The following ESR2 variants were observed in gnomAD, a reference collection of about 807,000 sequenced individuals.
ESR2 encodes the protein estrogen receptor 2.
A neutral mutation model predicts 49.6 loss-of-function variants in ESR2; 36 were observed. That is an observed-to-expected ratio of 0.73 (90% CI 0.56 to 0.96). The LOEUF (loss-of-function observed/expected upper bound fraction) is 0.96, where lower values mean the gene tolerates loss of function less well. Among genes scored for constraint, ESR2 ranks in the 40% least tolerant of loss-of-function variants. The pLI is 0.00. For missense variants in ESR2, 714 were observed against 693.0 expected, an observed-to-expected ratio of 1.03 and a Z score of -0.34; for synonymous variants, 320 against 266.1, an observed-to-expected ratio of 1.20 and a Z score of -1.97.
intron 3 of ESR2, among the ~76,000 whole-genome samples, chr14:64,275,702 CA>C (rs202016706): frequency 6.9e-6 from 1 of 144,934 alleles, no homozygotes; most frequent in Non-Finnish European, 1.5e-5. Context: ...GACTCTGTCT[CA>C]AAAAAAAAGA....
intron 7 of ESR2, among the ~76,000 whole-genome samples, chr14:64,246,360 C>T (rs2075855461): frequency 6.6e-6 from 1 of 152,044 alleles, no homozygotes; most frequent in Non-Finnish European, 1.5e-5. Flanking sequence ...GGCTCTTCTG[C>T]CTTTGCTTGG....
chr14:64,272,778 A>G (rs1363658364), intron 3 of ESR2, among the ~76,000 whole-genome samples: 1 of 152,162 alleles, frequency 6.6e-6, no homozygotes, highest in Non-Finnish European at 1.5e-5. Flanking sequence ...GCTCTATGGT[A>G]TAATTTATAG....
intron 2 of ESR2, 48 bp from the exon 3 acceptor site, chr14:64,280,201 G>A: frequency 7.1e-7 from 1 of 1,407,788 alleles, no homozygotes; most frequent in Non-Finnish European, 9.7e-7. Flanking sequence ...AAAGGGAAAG[G>A]AAGGGCTTTC....
At chr14:64,251,221 G>A (rs756502370) in intron 6 of ESR2, among the ~76,000 whole-genome samples, 2 of 151,582 alleles carry the variant, frequency 1.3e-5, no homozygotes, top group South Asian at 2.1e-4. Flanking sequence ...CCTTGCCTGC[G>A]GACAATTAAT....
At chr14:64,302,020 A>C (rs569981823) in intron 1 of ESR2, among the ~76,000 whole-genome samples, 10 of 152,182 alleles carry the variant, frequency 6.6e-5, no homozygotes, top group Admixed American at 5.9e-4. Context: ...AACTCTGCAC[A>C]CATCTCTTCA....
intron 6 of ESR2, among the ~76,000 whole-genome samples, chr14:64,252,209 G>A (rs1318211112): frequency 6.6e-6 from 1 of 151,918 alleles, no homozygotes; most frequent in Non-Finnish European, 1.5e-5. Flanking sequence ...GTTCCTCAGG[G>A]GGCTGAAGCA....
In ESR2 at chr14:64,246,449, G is replaced by A. The variant is rs77236591; in HGVS notation, c.1225+3097C>T. Among the ~76,000 whole-genome samples, 11 of 151,954 alleles carry A rather than the reference G, an allele frequency of 7.2e-5. No individual in the cohort carries two copies. In the East Asian group the frequency reaches 1.7e-3, roughly 24 times the overall value. ...TCCGCCATTATTGTAAGTCTCCTGA[G>A]GCCTCCCCAGCCATACTGAACTGTG... On this transcript the variant is annotated intron_variant, in intron 7 of 8. Transcript: ENST00000341099.
At chr14:64,235,426 G>A (rs909669331) in intron 7 of ESR2, among the ~76,000 whole-genome samples, 1 of 152,232 alleles carries the variant, frequency 6.6e-6, no homozygotes, top group South Asian at 2.1e-4. Flanking sequence ...TTGCCGTGGC[G>A]AGTATATCTA....
chr14:64,260,618 G>A lies in ESR2; in HGVS notation c.783C>T (p.Asp261=), dbSNP rs750886730. ...HAPRVRELLL[D]ALSPEQLVLT... is the part of the protein sequence containing the mutation. ...GCACTAGCTGCTCGGGGCTCAGGGCGTCCAGCAGCAGCTCCCGCACTCGGG... is the reference window on the plus strand; with the variant it reads ...GCACTAGCTGCTCGGGGCTCAGGGCATCCAGCAGCAGCTCCCGCACTCGGG... The change falls in exon 5 of 9, where the codon GAC becomes GAT. Residue 261 remains aspartate (D), a synonymous_variant. Transcript: ENST00000341099. 1.4e-5 allele frequency: 23 copies of A among 1,610,456 alleles called. No homozygotes were observed. Among genetic ancestry groups the A allele is most frequent in the East Asian group, 4.5e-5 (2 of 44,748 alleles).
upstream of ESR2, among the ~76,000 whole-genome samples, chr14:64,294,595 G>A (rs1282430123): frequency 6.6e-6 from 1 of 152,292 alleles, no homozygotes; most frequent in Admixed American, 6.5e-5. Flanking sequence ...AGATTTAAGA[G>A]GTCTGGAGTA....
intron 7 of ESR2, among the ~76,000 whole-genome samples, chr14:64,240,878 C>T (rs1243653259): frequency 1.3e-5 from 2 of 152,048 alleles, no homozygotes; most frequent in Non-Finnish European, 1.5e-5. Context: ...GGCGCGGTGG[C>T]TCACGCTTGT....
rs545567608 is a variant in ESR2 at position 64,242,114 on chromosome 14, A to G, written c.1226-6964T>C. On this transcript the variant is annotated intron_variant, in intron 7 of 8. Coordinates refer to ENST00000341099, the MANE Select transcript of ESR2 (RefSeq NM_001437.3). ...ATTTTGTCAAATGCTGTGTGCATCT[A>G]TTAAGATAATCATGGCTAGGTGCAG... Among the ~76,000 whole-genome samples the G allele has an allele frequency of 4.6e-5, 7 of 152,310 alleles. No individual in the cohort carries two copies. The South Asian group carries it at 1.5e-3, about 32-fold the overall frequency.
intron 1 of ESR2, among the ~76,000 whole-genome samples, chr14:64,288,110 C>G (rs1011867107): frequency 7.2e-5 from 11 of 152,190 alleles, no homozygotes; most frequent in Non-Finnish European, 1.5e-5. Context: ...ACCTCTCTCT[C>G]TCTCCCAGCA....
At chr14:64,267,079 C>T (rs2076345942) in intron 4 of ESR2, among the ~76,000 whole-genome samples, 2 of 152,158 alleles carry the variant, frequency 1.3e-5, no homozygotes, top group Non-Finnish European at 2.9e-5. Flanking sequence ...CAAGGTTTCA[C>T]CCTGTTGACC....
chr14:64,252,299 G>A lies in ESR2; in HGVS notation c.1092-2620C>T, dbSNP rs533794466. Among the ~76,000 whole-genome samples, 15 of 89,620 alleles carry A rather than the reference G, an allele frequency of 1.7e-4. No homozygotes were observed. The South Asian group carries it at 3.1e-3, about 18-fold the overall frequency. 58.8% of individuals were successfully genotyped at this position (89,620 alleles called of 152,430 possible). On this transcript the variant is annotated intron_variant, in intron 6 of 8. Coordinates refer to ENST00000341099, the MANE Select transcript of ESR2 (RefSeq NM_001437.3). ...TGCACTCCAGCCTGGGCCACAGAGC[G>A]GGACCGTCTCTAAAAAAAAAAAAAC...
At chr14:64,310,462 A>T (rs2077174781) in intron 1 of ESR2, among the ~76,000 whole-genome samples, 1 of 151,404 alleles carries the variant, frequency 6.6e-6, no homozygotes, top group African/African-American at 2.4e-5. Flanking sequence ...TTTTCAAAAA[A>T]TGCCGGAGAA....
chr14:64,295,021 C>A (rs566009277), upstream of ESR2, among the ~76,000 whole-genome samples: 2 of 152,372 alleles, frequency 1.3e-5, no homozygotes, highest in African/African-American at 4.8e-5. Flanking sequence ...GGCGAAGGCC[C>A]CTCGCGCCCC....
intron 3 of ESR2, among the ~76,000 whole-genome samples, chr14:64,272,178 C>T (rs2076462152): frequency 1.3e-5 from 2 of 152,266 alleles, no homozygotes; most frequent in Non-Finnish European, 2.9e-5. Flanking sequence ...TTCATATACC[C>T]ATTTGCCATT....
intron 4 of ESR2, among the ~76,000 whole-genome samples, chr14:64,266,800 GT>G (rs955749540): frequency 1.1e-4 from 16 of 152,168 alleles, no homozygotes; most frequent in Non-Finnish European, 1.9e-4. Flanking sequence ...AGGTTTATGG[GT>G]TTTTTTCCCC....
Sources: allele counts gnomAD v4.1 joint callset (sites outside exome capture counted in the v4.1 genomes callset), GRCh38; gene constraint gnomAD v4.1.1; transcripts MANE v1.5; gene names NCBI Gene and HGNC (gene_info 2026-07-23, HGNC 2026-07-21).